CFAP52: variants seen among roughly 807,000 people sequenced by gnomAD.
CFAP52 encodes cilia and flagella associated protein 52.
A neutral mutation model predicts 70.5 loss-of-function variants in CFAP52; 57 were observed. That is an observed-to-expected ratio of 0.81 (90% CI 0.65 to 1.01). CFAP52 has a LOEUF of 1.01. CFAP52 is among the 50% of genes least tolerant of loss of function. The pLI is 0.00. For missense variants in CFAP52, 785 were observed against 788.5 expected (o/e 1.00, Z 0.05); for synonymous variants, 267 against 292.5 (o/e 0.91, Z 0.89).
At chr17:9,586,585 A>T in intron 2 of CFAP52, 113 bp from the exon 3 acceptor site, 10 of 1,228,032 alleles carry the variant, frequency 8.1e-6, no homozygotes, top group Non-Finnish European at 1.1e-5. Flanking sequence ...AAAAAAAAAA[A>T]GAAAGAAAAA....
intron 7 of CFAP52, among the ~76,000 whole-genome samples, chr17:9,611,598 C>T (rs1909713696): frequency 6.6e-6 from 1 of 152,146 alleles, no homozygotes; most frequent in African/African-American, 2.4e-5. Context: ...CTCCTGGCCT[C>T]AAGTGGTCCT....
intron 6 of CFAP52, among the ~76,000 whole-genome samples, chr17:9,605,128 C>T (rs992286974): frequency 2.0e-5 from 3 of 152,134 alleles, no homozygotes; most frequent in Non-Finnish European, 4.4e-5. Flanking sequence ...TATGTTCACA[C>T]GAGAACCTGC....
chr17:9,631,201 T>C (rs185110805), intron 9 of CFAP52, among the ~76,000 whole-genome samples: 3 of 152,020 alleles, frequency 2.0e-5, no homozygotes, highest in Admixed American at 6.5e-5. Flanking sequence ...CAAGGCTCCA[T>C]GTGAATTTCT....
chr17:9,631,579 G>C (rs1910543430), intron 9 of CFAP52, among the ~76,000 whole-genome samples: 1 of 152,120 alleles, frequency 6.6e-6, no homozygotes, highest in Non-Finnish European at 1.5e-5. Context: ...GTGGATTTGA[G>C]GAATAGCAAG....
chr17:9,581,785 A>G (rs114467025), intron 1 of CFAP52, among the ~76,000 whole-genome samples: 108 of 152,350 alleles, frequency 7.1e-4, no homozygotes, highest in African/African-American at 2.5e-3. Context: ...TTTCTCTCCT[A>G]ATTCCTTGGC....
chr17:9,638,666 T>C lies in CFAP52; in HGVS notation c.1530T>C (p.Tyr510=). The C allele has an allele frequency of 1.2e-6, 2 of 1,614,174 alleles. No homozygotes were observed. Among genetic ancestry groups the C allele is most frequent in the Non-Finnish European group, 8.5e-7 (1 of 1,180,036 alleles). The change falls in exon 12 of 14, where the codon TAT becomes TAC. Residue 510 remains tyrosine, a synonymous_variant. Coordinates refer to ENST00000352665, the MANE Select transcript of CFAP52 (RefSeq NM_145054.5). ...ACACCTTATTCCAGTGTGTGTGCTA[T>C]CACCCTGAGGAGTTCCAGATCATCA... ...LANTLFQCVC[Y]HPEEFQIITS...
At chr17:9,608,030 A>T in intron 6 of CFAP52, 89 bp from the exon 7 acceptor site, 1 of 928,746 alleles carries the variant, frequency 1.1e-6, no homozygotes, top group Non-Finnish European at 1.5e-6. Context: ...GTTTTTGGGG[A>T]ACAGGTGGTA....
chr17:9,637,883 C>A (rs530215330), intron 11 of CFAP52, among the ~76,000 whole-genome samples: 1 of 152,150 alleles, frequency 6.6e-6, no homozygotes, highest in African/African-American at 2.4e-5. Flanking sequence ...GCCCATAATA[C>A]CCATTTTAAA....
chr17:9,616,700 C>CG (rs1483741546), intron 8 of CFAP52, among the ~76,000 whole-genome samples: 24 of 149,146 alleles, frequency 1.6e-4, no homozygotes, highest in Admixed American at 4.0e-4. Context: ...CCCTGACCCC[C>CG]GGGCAGCCTA....
At chr17:9,586,570 A>G (rs1477125507) in intron 2 of CFAP52, 128 bp from the exon 3 acceptor site, 1 of 60,602 alleles carries the variant, frequency 1.7e-5, no homozygotes, top group Non-Finnish European at 2.0e-5. Context: ...CGTCTCAACA[A>G]AAAAAAAAAA....
intron 8 of CFAP52, among the ~76,000 whole-genome samples, chr17:9,627,790 A>G (rs1474992183): frequency 6.6e-6 from 1 of 151,506 alleles, no homozygotes; most frequent in Non-Finnish European, 1.5e-5. Flanking sequence ...GCACGATCAT[A>G]GCTCAATGCA....
intron 3 of CFAP52, among the ~76,000 whole-genome samples, chr17:9,591,421 T>C (rs938213039): frequency 6.6e-6 from 1 of 152,206 alleles, no homozygotes; most frequent in Non-Finnish European, 1.5e-5. Context: ...TAATGCAACC[T>C]GCTTTTTGAC....
At chr17:9,610,486 A>T (rs546326606) in intron 7 of CFAP52, 7 of 152,016 alleles carry the variant, frequency 4.6e-5, no homozygotes. Context: ...GGGAAGATGT[A>T]TGATCAAAAT....
chr17:9,608,372 G>T (rs1184222052), intron 7 of CFAP52, among the ~76,000 whole-genome samples, 153 bp downstream of exon 7: 1 of 152,202 alleles, frequency 6.6e-6, no homozygotes, highest in Admixed American at 6.5e-5. Flanking sequence ...ACAATAGATG[G>T]TGGCTTCTTT....
intron 8 of CFAP52, among the ~76,000 whole-genome samples, chr17:9,627,726 T>C (rs1486947290): frequency 6.6e-6 from 1 of 152,170 alleles, no homozygotes; most frequent in Non-Finnish European, 1.5e-5. Flanking sequence ...TTTCATTTTA[T>C]TTTTAGAGGC....
Position 9,628,689 on chromosome 17 carries a change from T to G in CFAP52, c.1043T>G (p.Phe348Cys). 6.2e-7 allele frequency: 1 copy of G among 1,614,126 alleles called. No homozygotes were observed. The highest frequency in any genetic ancestry group is 8.5e-7 in the Non-Finnish European group (1 of 1,179,964). Residue 348 changes from phenylalanine (F) to cysteine (C), a missense_variant, in exon 9 of 14, where the codon TTT (phenylalanine) becomes TGT (cysteine). Physicochemically the swap from Phe to Cys is radical, Grantham distance 205. Coordinates refer to ENST00000352665, the MANE Select transcript of CFAP52 (RefSeq NM_145054.5). ...IVFPFGTAEL[F>C]ATCAKKDIRV... ...CCTTGCAGTGGCACTGCTGAGCTAT[T>G]TGCAACCTGTGCCAAGAAGGATATC...
chr17:9,587,016 T>TC (rs56749690), intron 3 of CFAP52, among the ~76,000 whole-genome samples, 182 bp downstream of exon 3: 152,226 of 152,226 alleles, frequency 1, 76,113 homozygotes, highest in Non-Finnish European at 1. Flanking sequence ...ATCCTCTCCC[T>TC]CTCCCACCCT....
At chr17:9,631,015 A>AAAGG (rs1910469611) in intron 9 of CFAP52, among the ~76,000 whole-genome samples, 1 of 63,566 alleles carries the variant, frequency 1.6e-5, no homozygotes, top group African/African-American at 9.7e-5. Flanking sequence ...AGAAAGAAAG[A>AAAGG]AAGAAAGAAA....
In CFAP52 at chr17:9,576,715, C is replaced by T. The variant is rs140009881; in HGVS notation, c.20C>T (p.Pro7Leu). 5 of 1,612,168 alleles carry T rather than the reference C, an allele frequency of 3.1e-6. No homozygotes were observed. The highest frequency in any genetic ancestry group is 1.7e-5 in the Admixed American group (1 of 59,812). MDNKISPEAQVAELELD... is the reference protein window; with the variant it reads MDNKISLEAQVAELELD... ...CCAAGGATGGATAACAAAATTTCGC[C>T]GGAGGCCCAAGTGGCGGAGCTGGAA... The change falls in exon 1 of 14, where the codon CCG (proline) becomes CTG (leucine). Residue 7 changes from proline to leucine, a missense_variant. Physicochemically the swap from Pro to Leu is moderately conservative, Grantham distance 98. Transcript: ENST00000352665.
Sources: gnomAD v4.1 joint callset for allele counts (sites outside exome capture counted in the v4.1 genomes callset) on GRCh38, gnomAD v4.1.1 for gene constraint, MANE v1.5 for transcripts, NCBI Gene and HGNC (gene_info 2026-07-23, HGNC 2026-07-21) for gene names.